EIF2B5: variants seen among roughly 807,000 people sequenced by gnomAD.
EIF2B5 encodes translation initiation factor eIF2B subunit epsilon.
Under a neutral mutation model 87.3 loss-of-function variants are expected in EIF2B5, and 38 were observed. That is an observed-to-expected ratio of 0.44 (90% confidence interval 0.34 to 0.57). The LOEUF is 0.57. Among genes scored for constraint, EIF2B5 ranks in the 20% least tolerant of loss-of-function variants. The probability of loss-of-function intolerance (pLI) is 0.02; values close to 1 mark genes in which losing one functional copy is unlikely to be tolerated. For synonymous variants in EIF2B5, 313 were observed against 339.6 expected (o/e 0.92, Z 0.86); for missense variants, 784 against 909.5 (o/e 0.86, Z 1.78).
At chr3:184,141,903 A>G in intron 7 of EIF2B5, 22 bp from the exon 8 acceptor site, 1 of 1,613,820 alleles carries the variant, frequency 6.2e-7, no homozygotes, top group Non-Finnish European at 8.5e-7. Flanking sequence ...AGTTACCCAG[A>G]GGTCTTCCCA....
chr3:184,141,234 C>T (rs564446691), intron 7 of EIF2B5, among the ~76,000 whole-genome samples: 16 of 152,188 alleles, frequency 1.1e-4, no homozygotes, highest in African/African-American at 3.4e-4. Flanking sequence ...GAGTGTGATG[C>T]GTCTAATAGT....
chr3:184,135,677 GACCT>G, intron 1 of EIF2B5, 97 bp downstream of exon 1: 1 of 1,471,928 alleles, frequency 6.8e-7, no homozygotes, highest in Non-Finnish European at 9.3e-7. Flanking sequence ...GCCCTTGAAG[GACCT>G]GCGTCTATGC....
At chr3:184,143,202 GT>G in intron 12 of EIF2B5, 60 bp downstream of exon 12, 1 of 1,576,056 alleles carries the variant, frequency 6.3e-7, no homozygotes. Context: ...AGGCTTTCTC[GT>G]AAGTGTTTTG....
intron 13 of EIF2B5, chr3:184,143,783 G>A (rs1050800328): frequency 2.8e-6 from 2 of 706,016 alleles, no homozygotes; most frequent in African/African-American, 1.8e-5. Flanking sequence ...TACCATCCTA[G>A]GCCCACAAAG....
chr3:184,140,429 C>T lies in EIF2B5; in HGVS notation c.855C>T (p.Asn285=). The change falls in exon 7 of 16, where the codon AAC becomes AAT. Residue 285 remains asparagine, a synonymous_variant. Transcript: ENST00000648915. ...GLLVNEEILG[N]QIHMHVTAKE... is the part of the protein sequence containing the mutation. ...TCCTTCTCATTCAGATCCTAGGGAA[C>T]CAGATCCACATGCACGTAACAGCTA... The T allele has an allele frequency of 6.2e-7, 1 of 1,614,086 alleles. No homozygotes were observed. Among genetic ancestry groups the T allele is most frequent in the Non-Finnish European group, 8.5e-7 (1 of 1,180,000 alleles).
rs375036796 is a variant in EIF2B5, at chr3:184,143,155, C to T, written c.1745+13C>T. 59 of 1,611,216 alleles carry T rather than the reference C, an allele frequency of 3.7e-5. No homozygotes were observed. Among genetic ancestry groups the T allele is most frequent in the Non-Finnish European group, 4.8e-5 (56 of 1,178,672 alleles). ...TCAACTCTCTCAAGTAAGAGCAGCC[C>T]CTCCCTGTTCTCCTCGGGGTGATCC... On this transcript the variant is annotated intron_variant, in intron 12 of 15. Coordinates refer to ENST00000648915, the MANE Select transcript of EIF2B5 (RefSeq NM_003907.3).
In EIF2B5 at chr3:184,142,214, T is replaced by C; in HGVS notation, c.1303-23T>C. ...GCACTTTTCCTCCACACCCTAATGG[T>C]TCTGTGTTTTTTTTCCCCTTAGGTG... On this transcript the variant is annotated intron_variant, in intron 8 of 15. Coordinates refer to ENST00000648915, the MANE Select transcript of EIF2B5 (RefSeq NM_003907.3). This position sits in a 1 kb window ranked among gnomAD's most constrained non-coding sequence, Gnocchi z 5.0. 2 of 1,614,056 alleles carry C rather than the reference T, an allele frequency of 1.2e-6. No homozygotes were observed. The highest frequency in any genetic ancestry group is 1.7e-6 in the Non-Finnish European group (2 of 1,180,014).
At position 184,142,824 on chromosome 3, in the gene EIF2B5, A is replaced by C; in HGVS notation, c.1592A>C (p.Gln531Pro). Residue 531 changes from glutamine (Q) to proline (P), a missense_variant, in exon 11 of 16, where the codon CAA becomes CCA. Around this residue, in one of 3 missense-constraint regions of EIF2B5, gnomAD observed 660 missense variants for 789.5 expected, o/e 0.84. Transcript: ENST00000648915. This position sits in a 1 kb window ranked among gnomAD's most constrained non-coding sequence, Gnocchi z 5.0. ...MEEESESESE[Q>P]SMDSEEPDSR... is the part of the protein sequence containing the mutation. ...GAAGAGAGTGAAAGTGAAAGTGAGCAAAGTATGGATTCTGAGGAGCCGGAC... is the reference window on the plus strand; with the variant it reads ...GAAGAGAGTGAAAGTGAAAGTGAGCCAAGTATGGATTCTGAGGAGCCGGAC... 1 of 1,614,118 alleles carries C rather than the reference A, an allele frequency of 6.2e-7. No individual in the cohort carries two copies. Among genetic ancestry groups the C allele is most frequent in the Non-Finnish European group, 8.5e-7 (1 of 1,180,024 alleles).
chr3:184,141,242 A>G (rs540041186), intron 7 of EIF2B5, among the ~76,000 whole-genome samples: 1 of 152,262 alleles, frequency 6.6e-6, no homozygotes, highest in East Asian at 1.9e-4. Flanking sequence ...TGCGTCTAAT[A>G]GTACTGCCCC....
At chr3:184,137,532 T>C in intron 2 of EIF2B5, 88 bp from the exon 3 acceptor site, 1 of 1,357,090 alleles carries the variant, frequency 7.4e-7, no homozygotes, top group Non-Finnish European at 1.1e-6. Flanking sequence ...AGAAGGACTG[T>C]GAGTGCTGAA....
intron 13 of EIF2B5, chr3:184,143,898 C>A: frequency 2.4e-6 from 2 of 832,480 alleles, no homozygotes; most frequent in Non-Finnish European, 1.9e-6. Flanking sequence ...CAGCCTATAG[C>A]ATCTGATCCC....
intron 5 of EIF2B5, 82 bp from the exon 6 acceptor site, chr3:184,139,997 TG>T: frequency 1.7e-6 from 2 of 1,145,406 alleles, no homozygotes; most frequent in Non-Finnish European, 2.5e-6. Context: ...CACTCCAGCC[TG>T]GGCAACAGAG....
chr3:184,137,487 T>C (rs1206349522), intron 2 of EIF2B5, 133 bp from the exon 3 acceptor site: 1 of 806,076 alleles, frequency 1.2e-6, no homozygotes, highest in Non-Finnish European at 2.1e-6. Flanking sequence ...CTCTTTGAAG[T>C]TGAAGACGCT....
chr3:184,139,170 C>T (rs1560107758), intron 5 of EIF2B5, among the ~76,000 whole-genome samples: 1 of 151,580 alleles, frequency 6.6e-6, no homozygotes, highest in Admixed American at 6.6e-5. Context: ...GGGGTTTCAC[C>T]ATATTGGCCA....
Position 184,138,255 on chromosome 3 carries a change from T to G in EIF2B5, c.765+9T>G. 6.2e-7 allele frequency: 1 copy of G among 1,613,110 alleles called. No homozygotes were observed. ...GCATCTGTTCTCCTCAGGTGAGCTC[T>G]TTAGGGCTGGGGCTGCACACCCAAA... On this transcript the variant is annotated intron_variant, in intron 5 of 15. Coordinates refer to ENST00000648915, the MANE Select transcript of EIF2B5 (RefSeq NM_003907.3).
At chr3:184,143,029 A>G in intron 11 of EIF2B5, 23 bp from the exon 12 acceptor site, 1 of 1,610,082 alleles carries the variant, frequency 6.2e-7, no homozygotes, top group African/African-American at 1.3e-5. Flanking sequence ...TGGCCCATGA[A>G]CTTATCCTTG....
chr3:184,137,763 T>C lies in EIF2B5; in HGVS notation c.464T>C (p.Val155Ala). 2 of 1,614,164 alleles carry C rather than the reference T, an allele frequency of 1.2e-6. No individual in the cohort carries two copies. Among genetic ancestry groups the C allele is most frequent in the Non-Finnish European group, 1.7e-6 (2 of 1,180,026 alleles). The change falls in exon 3 of 16, where the codon GTC becomes GCC. Residue 155 changes from valine (V) to alanine (A), a missense_variant. Physicochemically the swap from Val to Ala is moderately conservative, Grantham distance 64. This residue lies in a region of EIF2B5 where 660 missense variants were observed against 789.5 expected (regional missense o/e 0.84). Coordinates refer to ENST00000648915, the MANE Select transcript of EIF2B5 (RefSeq NM_003907.3). ...GACTTTCTTCTGGTGTATGGGGATG[T>C]CATCTCAAACATCAATATCACCAGA... ...RSDFLLVYGDVISNINITRAL... is the reference protein window; with the variant it reads ...RSDFLLVYGDAISNINITRAL...
chr3:184,139,755 C>T (rs138807066), intron 5 of EIF2B5, among the ~76,000 whole-genome samples: 3 of 151,676 alleles, frequency 2.0e-5, no homozygotes, highest in Admixed American at 6.6e-5. Context: ...TGGTGGCTCA[C>T]GCTTGTAATC....
Position 184,142,484 on chromosome 3 carries a change from G to A in EIF2B5, c.1445-18G>A, listed in dbSNP as rs1323846318. Reference sequence around the variant, plus strand: ...GTGCTTCCGCCGGGCCCTCTCTATAGATCATTGCCTTTTCCAGGTTACAAT... The same window carrying A: ...GTGCTTCCGCCGGGCCCTCTCTATAAATCATTGCCTTTTCCAGGTTACAAT... On this transcript the variant is annotated intron_variant, in intron 9 of 15. Coordinates refer to ENST00000648915, the MANE Select transcript of EIF2B5 (RefSeq NM_003907.3). The surrounding 1 kb of genome is among the most constrained non-coding windows in gnomAD (Gnocchi z 5.0). 1.5e-5 allele frequency: 25 copies of A among 1,614,090 alleles called. No individual in the cohort carries two copies. Among genetic ancestry groups the A allele is most frequent in the Non-Finnish European group, 1.7e-5 (20 of 1,180,022 alleles).
Sources: allele counts gnomAD v4.1 joint callset (sites outside exome capture counted in the v4.1 genomes callset), GRCh38; gene constraint gnomAD v4.1.1; regional missense constraint gnomAD v4.1.1; non-coding constraint Gnocchi (gnomAD v3.1); transcripts MANE v1.5; gene names NCBI Gene and HGNC (gene_info 2026-07-23, HGNC 2026-07-21).